Variants in EEF1A2 observed in about 807,000 individuals in gnomAD.
EEF1A2 encodes the protein eukaryotic translation elongation factor 1 alpha 2.
A neutral mutation model predicts 39.3 loss-of-function variants in EEF1A2; 5 were observed. The ratio of observed to expected loss-of-function variants is 0.13; its 90% CI spans 0.07 to 0.27. EEF1A2 has a LOEUF of 0.27. Among genes scored for constraint, EEF1A2 ranks in the 10% least tolerant of loss-of-function variants. The pLI, the probability that EEF1A2 is intolerant of heterozygous loss-of-function variation, is 1.00. For missense variants in EEF1A2, 218 were observed against 681.4 expected, an observed-to-expected ratio of 0.32 and a Z score of 7.57; for synonymous variants, 287 against 293.7, an observed-to-expected ratio of 0.98 and a Z score of 0.23.
chr20:63,492,536 G>GGA (rs2082392597), intron 5 of EEF1A2, among the ~76,000 whole-genome samples: 1 of 18,656 alleles, frequency 5.4e-5, no homozygotes, highest in Non-Finnish European at 1.5e-4. Context: ...ATGGATGGAA[G>GGA]GATGGATGGA....
Position 63,495,107 on chromosome 20 carries a change from C to G in EEF1A2, c.325-6G>C. On this transcript the variant is annotated splice_polypyrimidine_tract_variant and splice_region_variant and intron_variant, in intron 3 of 7. Transcript: ENST00000217182. ...ATCAGCACTGCGCAGTCCGCCTGCC[C>G]GGCAGGGGACACAGTGAGCCCTGCC... 6.2e-7 allele frequency: 1 copy of G among 1,604,738 alleles called. No homozygotes were observed. Among genetic ancestry groups the G allele is most frequent in the South Asian group, 1.1e-5 (1 of 90,956 alleles).
At position 63,497,429 on chromosome 20, in the gene EEF1A2, A is replaced by C; in HGVS notation, c.144+191T>G. On this transcript the variant is annotated intron_variant, in intron 2 of 7. Coordinates refer to ENST00000217182, the MANE Select transcript of EEF1A2 (RefSeq NM_001958.5). The surrounding 1 kb of genome is among the most constrained non-coding windows in gnomAD (Gnocchi z 7.3). ...GCTCGATGGCCACCCCTCCCCCACC[A>C]AGCTCCCCCTAAGAGAGAGGCTGCC... is the stretch of plus-strand genomic sequence containing the variant. 2 of 809,218 alleles carry C rather than the reference A, an allele frequency of 2.5e-6. No homozygotes were observed. The highest frequency in any genetic ancestry group is 3.5e-6 in the Non-Finnish European group (2 of 563,820). The allele number at this position is 809,218 out of a possible 1,614,324, so 50.1% of individuals were successfully genotyped here.
In EEF1A2 at chr20:63,488,211, G is replaced by T; in HGVS notation, c.*87C>A. Reference sequence around the variant, plus strand: ...CGGGGGTGCGGGGCGCCGGACCGGCGCGCGGGGCGGGGGCGGGGCGGGGGC... The same window carrying T: ...CGGGGGTGCGGGGCGCCGGACCGGCTCGCGGGGCGGGGGCGGGGCGGGGGC... On this transcript the variant is annotated 3_prime_UTR_variant, in exon 8 of 8. Transcript: ENST00000217182. 1 of 866,266 alleles carries T rather than the reference G, an allele frequency of 1.2e-6. No individual in the cohort carries two copies. Among genetic ancestry groups the T allele is most frequent in the Non-Finnish European group, 1.4e-6 (1 of 738,706 alleles). The allele number at this position is 866,266 out of a possible 1,614,324, so 53.7% of individuals were successfully genotyped here. A position where few individuals can be genotyped will look rare whatever the true frequency, so the allele number is the denominator to read the frequency against.
intron 6 of EEF1A2, among the ~76,000 whole-genome samples, chr20:63,489,759 G>A (rs2082369558): frequency 1.3e-5 from 2 of 152,068 alleles, no homozygotes; most frequent in African/African-American, 4.8e-5. Flanking sequence ...CTCCAGCCTG[G>A]GCAACAGAGC....
At chr20:63,492,477 G>A in intron 5 of EEF1A2, among the ~76,000 whole-genome samples, 1 of 151,906 alleles carries the variant, frequency 6.6e-6, no homozygotes, top group Non-Finnish European at 1.5e-5. Context: ...TGGAGAGATG[G>A]ATGGATGGAT....
intron 7 of EEF1A2, among the ~76,000 whole-genome samples, chr20:63,488,700 G>A (rs1010524448): frequency 3.0e-4 from 45 of 152,220 alleles, no homozygotes; most frequent in Non-Finnish European, 4.3e-4. Context: ...TCACTTTCGG[G>A]GCCTCGTCTG....
At chr20:63,494,506 G>C (rs1158470406) in intron 4 of EEF1A2, among the ~76,000 whole-genome samples, 3 of 152,264 alleles carry the variant, frequency 2.0e-5, no homozygotes, top group Non-Finnish European at 4.4e-5. Context: ...GGGCTCTGGA[G>C]ACCAAGCACA....
chr20:63,493,347 G>GCCTCC, intron 4 of EEF1A2, 60 bp from the exon 5 acceptor site: 1 of 1,457,818 alleles, frequency 6.9e-7, no homozygotes, highest in Non-Finnish European at 9.1e-7. Context: ...CCACCCTCAG[G>GCCTCC]CCTCCCCAGG....
intron 3 of EEF1A2, among the ~76,000 whole-genome samples, chr20:63,495,329 A>G (rs1201143822): frequency 6.6e-6 from 1 of 152,254 alleles, no homozygotes; most frequent in Non-Finnish European, 1.5e-5. Flanking sequence ...CTCCACCACC[A>G]GTGGGCTGTG....
rs2082409648 is a variant in EEF1A2 at position 63,494,906 on chromosome 20, C to T, written c.520G>A (p.Val174Ile). 6.2e-7 allele frequency: 1 copy of T among 1,612,700 alleles called. No individual in the cohort carries two copies. The highest frequency in any genetic ancestry group is 1.3e-5 in the African/African-American group (1 of 74,942). Residue 174 changes from valine (V) to isoleucine (I), a missense_variant, in exon 4 of 8, where the codon GTC becomes ATC. By Grantham distance (29) the Val-to-Ile change is conservative. This residue lies in a region of EEF1A2 where 79 missense variants were observed against 172.3 expected (regional missense o/e 0.46). Transcript: ENST00000217182. ...EKRYDEIVKE[V>I]SAYIKKIGYN... ...CCGATCTTCTTGATGTAGGCGCTGA[C>T]TTCCTTGACGATCTCGTCGTAGCGC...
chr20:63,488,493 G>A (rs2082363216), intron 7 of EEF1A2, 68 bp from the exon 8 acceptor site: 7 of 1,319,290 alleles, frequency 5.3e-6, no homozygotes, highest in Non-Finnish European at 5.8e-6. Flanking sequence ...CAGGGCTCTG[G>A]CCGGGCGGGG....
In EEF1A2 at chr20:63,497,785, T is replaced by G; in HGVS notation, c.-22A>C. The G allele has an allele frequency of 6.2e-7, 1 of 1,607,056 alleles. No individual in the cohort carries two copies. Among genetic ancestry groups the G allele is most frequent in the Non-Finnish European group, 8.5e-7 (1 of 1,176,330 alleles). ...CCATTTTGCTGGGAGTGTGAGGGGC[T>G]GGCGGGACCCGGGGTGCTCTGGCTC... On this transcript the variant is annotated 5_prime_UTR_variant, in exon 2 of 8. Coordinates refer to ENST00000217182, the MANE Select transcript of EEF1A2 (RefSeq NM_001958.5). This position sits in a 1 kb window ranked among gnomAD's most constrained non-coding sequence, Gnocchi z 7.3.
chr20:63,488,573 C>T (rs2082363828), intron 7 of EEF1A2, 148 bp from the exon 8 acceptor site: 6 of 1,128,206 alleles, frequency 5.3e-6, no homozygotes, highest in Non-Finnish European at 5.9e-6. Flanking sequence ...GACGGCCGGC[C>T]TCGCGGGAGT....
At chr20:63,491,896 G>GGAGA in intron 5 of EEF1A2, among the ~76,000 whole-genome samples, 1 of 142,084 alleles carries the variant, frequency 7.0e-6, no homozygotes, top group East Asian at 2.2e-4. Context: ...ATGGATGGAT[G>GGAGA]GATGGATGGA....
rs1003923537 is a variant in EEF1A2, at chr20:63,488,472, C to A, written c.1265-47G>T. 7.3e-6 allele frequency: 10 copies of A among 1,361,026 alleles called. No individual in the cohort carries two copies. The Admixed American group carries it at 2.4e-4, about 33-fold the overall frequency. The allele number at this position is 1,361,026 out of a possible 1,614,324, so 84.3% of individuals were successfully genotyped here. Reference sequence around the variant, plus strand: ...GTGGGCGGGGCCGGAGGACTTGACCCCCCCCAACCCCAGGGCTCTGGCCGG... The same window carrying A: ...GTGGGCGGGGCCGGAGGACTTGACCACCCCCAACCCCAGGGCTCTGGCCGG... On this transcript the variant is annotated intron_variant, in intron 7 of 7. Transcript: ENST00000217182.
chr20:63,491,482 T>C (rs2082378390), intron 5 of EEF1A2, among the ~76,000 whole-genome samples: 1 of 152,214 alleles, frequency 6.6e-6, no homozygotes, highest in African/African-American at 2.4e-5. Context: ...CTGTGCTCTG[T>C]GCTGGGGTGA....
intron 5 of EEF1A2, among the ~76,000 whole-genome samples, chr20:63,492,410 ATG>A (rs2082389874): frequency 1.4e-5 from 2 of 147,990 alleles, no homozygotes; most frequent in African/African-American, 5.0e-5. Context: ...GGATGGATGG[ATG>A]GATGGATAGA....
Position 63,497,574 on chromosome 20 carries a change from G to C in EEF1A2, c.144+46C>G, listed in dbSNP as rs144340527. The C allele has an allele frequency of 6.3e-7, 1 of 1,583,960 alleles. No individual in the cohort carries two copies. Among genetic ancestry groups the C allele is most frequent in the Admixed American group, 1.7e-5 (1 of 57,932 alleles). On this transcript the variant is annotated intron_variant, in intron 2 of 7. Transcript: ENST00000217182. The surrounding 1 kb of genome is among the most constrained non-coding windows in gnomAD (Gnocchi z 7.3). Reference sequence around the variant, plus strand: ...GCCAAGCCTGGCCACCACGGGAGTTGGGGGTTCCTTCTCAGGGGGCCAAGA... The same window carrying C: ...GCCAAGCCTGGCCACCACGGGAGTTCGGGGTTCCTTCTCAGGGGGCCAAGA...
Position 63,497,288 on chromosome 20 carries a change from T to G in EEF1A2, c.144+332A>C. The G allele has an allele frequency of 4.2e-6, 1 of 238,618 alleles. No homozygotes were observed. The highest frequency in any genetic ancestry group is 8.1e-6 in the Non-Finnish European group (1 of 123,502). 14.8% of individuals were successfully genotyped at this position (238,618 alleles called of 1,614,324 possible). On this transcript the variant is annotated intron_variant, in intron 2 of 7. Coordinates refer to ENST00000217182, the MANE Select transcript of EEF1A2 (RefSeq NM_001958.5). The surrounding 1 kb of genome is among the most constrained non-coding windows in gnomAD (Gnocchi z 7.3). ...CCATCTCCAGCCCCAGCCTTGGCCC[T>G]GGGGGGAAGGGGGTAAGGCTCCAGC... is the stretch of plus-strand genomic sequence containing the variant.
Sources: gnomAD v4.1 joint callset for allele counts (sites outside exome capture counted in the v4.1 genomes callset) on GRCh38, gnomAD v4.1.1 for gene constraint, gnomAD v4.1.1 regional missense constraint, Gnocchi (gnomAD v3.1) non-coding constraint, MANE v1.5 for transcripts, NCBI Gene and HGNC (gene_info 2026-07-23, HGNC 2026-07-21) for gene names.